CROCC2: variants seen among roughly 807,000 people sequenced by gnomAD.
CROCC2 encodes the protein ciliary rootlet coiled-coil protein 2.
Under a neutral mutation model 177.6 loss-of-function variants are expected in CROCC2, and 163 were observed. That is an observed-to-expected ratio of 0.92 (90% CI 0.81 to 1.05). The LOEUF is 1.05. Ranked by LOEUF, CROCC2 falls within the 50% of genes least tolerant of loss-of-function variation. The pLI is 0.00. For missense variants in CROCC2, 1,929 were observed against 1,797.8 expected, an observed-to-expected ratio of 1.07 and a Z score of -1.32; for synonymous variants, 904 against 787.3, an observed-to-expected ratio of 1.15 and a Z score of -2.48.
intron 1 of CROCC2, among the ~76,000 whole-genome samples, chr2:240,914,822 C>A (rs1260951323): frequency 1.3e-5 from 2 of 152,204 alleles, no homozygotes; most frequent in Non-Finnish European, 2.9e-5. Context: ...GGGCCAGTGA[C>A]CCTTGGGTCT....
rs1304949219 is a variant in CROCC2, at chr2:240,933,854, T to C, written c.1646+2T>C. On this transcript the variant is annotated splice_donor_variant, in intron 11 of 31. Transcript: ENST00000690015. LOFTEE classifies it high-confidence loss of function. Reference sequence around the variant, plus strand: ...GAGCTGCAGGGCACTGGAGACCAGGTGCGCGGCCGTGGCTGGGTGGGCAGG... The same window carrying C: ...GAGCTGCAGGGCACTGGAGACCAGGCGCGCGGCCGTGGCTGGGTGGGCAGG... 5.8e-6 allele frequency: 9 copies of C among 1,541,780 alleles called. No homozygotes were observed. Among genetic ancestry groups the C allele is most frequent in the Non-Finnish European group, 7.9e-6 (9 of 1,142,432 alleles).
At chr2:240,966,555 AC>A (rs1434810281) in intron 25 of CROCC2, 146 bp downstream of exon 25, 3 of 396,582 alleles carry the variant, frequency 7.6e-6, no homozygotes, top group Non-Finnish European at 8.9e-6. Context: ...CACCAGCACC[AC>A]CATGGCCCCC....
chr2:240,958,577 G>GC lies in CROCC2; in HGVS notation c.2944-718dup, dbSNP rs1418000389. On this transcript the variant is annotated intron_variant, in intron 19 of 31. Coordinates refer to ENST00000690015, the MANE Select transcript of CROCC2 (RefSeq NM_001351305.2). The surrounding 1 kb of genome is among the most constrained non-coding windows in gnomAD (Gnocchi z 6.7). Reference sequence around the variant, plus strand: ...TGGAGGGAGCCATCCCCCACCAGCCGCCCCCCGCCAGCCGCCTGCTGCTGC... The same window carrying GC: ...TGGAGGGAGCCATCCCCCACCAGCCGCCCCCCCGCCAGCCGCCTGCTGCTGC... The GC allele has an allele frequency of 2.0e-6, 2 of 985,102 alleles. No homozygotes were observed. Among genetic ancestry groups the GC allele is most frequent in the South Asian group, 4.7e-5 (1 of 21,268 alleles). The allele number at this position is 985,102 out of a possible 1,614,324, so 61.0% of individuals were successfully genotyped here. A position where few individuals can be genotyped will look rare whatever the true frequency, so the allele number is the denominator to read the frequency against.
chr2:240,991,137 C>A, intron 30 of CROCC2, 59 bp from the exon 31 acceptor site: 1 of 1,348,040 alleles, frequency 7.4e-7, no homozygotes. Context: ...TGCCTCTATG[C>A]CCTGGGGCCC....
In CROCC2 at chr2:240,965,993, G is replaced by T; in HGVS notation, c.3961G>T (p.Gly1321Cys). Residue 1321 changes from glycine (G) to cysteine (C), a missense_variant and splice_region_variant, in exon 24 of 32, where the codon GGC (glycine) becomes TGC (cysteine). Around this residue, in one of 3 missense-constraint regions of CROCC2, gnomAD observed 388 missense variants for 352.7 expected, o/e 1.10. Coordinates refer to ENST00000690015, the MANE Select transcript of CROCC2 (RefSeq NM_001351305.2). Reference protein sequence around the residue: ...SPEQPGSPTKGSDSSQALPGQ... With the variant: ...SPEQPGSPTKCSDSSQALPGQ... ...GGAGCAGCCTGGTTCCCCCACCAAA[G>T]GTCAGAGTCCTCAGTGGAGGCAGGC... The T allele has an allele frequency of 1.5e-6, 2 of 1,363,094 alleles. No homozygotes were observed. Among genetic ancestry groups the T allele is most frequent in the African/African-American group, 1.5e-5 (1 of 67,178 alleles). The allele number at this position is 1,363,094 out of a possible 1,614,324, so 84.4% of individuals were successfully genotyped here.
At chr2:240,930,434 G>T (rs897794245) in intron 6 of CROCC2, among the ~76,000 whole-genome samples, 165 bp downstream of exon 6, 1 of 152,188 alleles carries the variant, frequency 6.6e-6, no homozygotes, top group Non-Finnish European at 1.5e-5. Context: ...GCCGGCCAGT[G>T]GGAGCAGCGA....
At chr2:240,946,921 G>A (rs760733085) in intron 15 of CROCC2, among the ~76,000 whole-genome samples, 2 of 152,262 alleles carry the variant, frequency 1.3e-5, no homozygotes, top group Non-Finnish European at 2.9e-5. Context: ...GAGTGTGGGC[G>A]GGTGAGCCCA....
At chr2:240,963,924 G>A (rs1257014595) in intron 21 of CROCC2, 151 bp downstream of exon 21, 6 of 789,542 alleles carry the variant, frequency 7.6e-6, no homozygotes, top group East Asian at 2.7e-5. Context: ...CAGGCCTCCC[G>A]CTGCCCAGTC....
chr2:240,930,842 GA>G (rs1400872311), intron 6 of CROCC2, 88 bp from the exon 7 acceptor site: 1 of 607,866 alleles, frequency 1.6e-6, no homozygotes, highest in Non-Finnish European at 3.0e-6. Context: ...GATGGCCAAG[GA>G]GGGGGTCCTC....
chr2:240,975,605 C>G (rs2059755072), intron 27 of CROCC2, among the ~76,000 whole-genome samples: 1 of 152,158 alleles, frequency 6.6e-6, no homozygotes, highest in Non-Finnish European at 1.5e-5. Flanking sequence ...GGCCTTTGTC[C>G]CTTCTGCTCC....
chr2:240,930,768 G>T (rs993903764), intron 6 of CROCC2, among the ~76,000 whole-genome samples, 163 bp from the exon 7 acceptor site: 1 of 152,152 alleles, frequency 6.6e-6, no homozygotes, highest in Non-Finnish European at 1.5e-5. Flanking sequence ...CTCCCCAGCT[G>T]CCTTCCTGGT....
intron 1 of CROCC2, among the ~76,000 whole-genome samples, chr2:240,911,291 C>T (rs910906211): frequency 1.6e-5 from 2 of 126,188 alleles, no homozygotes; most frequent in Admixed American, 2.0e-4. Context: ...CATCCACGTC[C>T]ACAACTTTTT....
intron 28 of CROCC2, 148 bp from the exon 29 acceptor site, chr2:240,988,591 G>A (rs1251512834): frequency 9.6e-5 from 76 of 791,858 alleles, no homozygotes; most frequent in Non-Finnish European, 1.3e-4. Context: ...AGGGGTCCTG[G>A]CCCAGGGCAG....
At position 240,964,581 on chromosome 2, in the gene CROCC2, G is replaced by A. The variant is rs572746976; in HGVS notation, c.3421G>A (p.Ala1141Thr). 79 of 1,549,702 alleles carry A rather than the reference G, an allele frequency of 5.1e-5. No individual in the cohort carries two copies. In the East Asian group the frequency reaches 1.8e-3, roughly 35 times the overall value. The change falls in exon 22 of 32, where the codon GCA becomes ACA. Residue 1141 changes from alanine (A) to threonine (T), a missense_variant. Around this residue, in one of 3 missense-constraint regions of CROCC2, gnomAD observed 1,397 missense variants for 1,239.9 expected, o/e 1.13. Coordinates refer to ENST00000690015, the MANE Select transcript of CROCC2 (RefSeq NM_001351305.2). ...GGCCCACCTGTGGGAGCTGGAGCAG[G>A]CAGGGGGGGACGCCCGTCAGGAGCT... ...LRAHLWELEQ[A>T]GGDARQELRE...
rs1346675968 is a variant in CROCC2, at chr2:240,953,365, G to A, written c.2830-2494G>A. ...AGGAGATTCTCACTGAGATTGCAGTGAGCGGAGATCACGCCACTGCATTCC... is the reference window on the plus strand; with the variant it reads ...AGGAGATTCTCACTGAGATTGCAGTAAGCGGAGATCACGCCACTGCATTCC... On this transcript the variant is annotated intron_variant, in intron 18 of 31. Transcript: ENST00000690015. The surrounding 1 kb of genome is among the most constrained non-coding windows in gnomAD (Gnocchi z 4.0). 6.6e-6 allele frequency among the ~76,000 whole-genome samples: 1 copy of A among 151,870 alleles called. No individual in the cohort carries two copies. The highest frequency in any genetic ancestry group is 1.5e-5 in the Non-Finnish European group (1 of 68,002).
At chr2:240,928,071 C>T (rs2059405086) in intron 5 of CROCC2, among the ~76,000 whole-genome samples, 2 of 152,202 alleles carry the variant, frequency 1.3e-5, no homozygotes, top group Admixed American at 1.3e-4. Flanking sequence ...TCTATTGTTT[C>T]TGCTGGTTTC....
At chr2:240,912,185 C>T (rs551205786) in intron 1 of CROCC2, among the ~76,000 whole-genome samples, 1 of 152,192 alleles carries the variant, frequency 6.6e-6, no homozygotes, top group Non-Finnish European at 1.5e-5. Flanking sequence ...CCACTTTTAA[C>T]ACCAAATGTG....
intron 26 of CROCC2, among the ~76,000 whole-genome samples, 167 bp from the exon 27 acceptor site, chr2:240,967,962 G>A (rs2059694576): frequency 6.6e-6 from 1 of 152,182 alleles, no homozygotes; most frequent in South Asian, 2.1e-4. Context: ...AGGGAAGGAT[G>A]GGTGGGAAGC....
chr2:240,936,203 A>G (rs1452937149), intron 14 of CROCC2, among the ~76,000 whole-genome samples: 1 of 152,012 alleles, frequency 6.6e-6, no homozygotes, highest in South Asian at 2.1e-4. Flanking sequence ...CTCTTTTTCT[A>G]TTGACATTTA....
Sources: gnomAD v4.1 joint callset for allele counts (sites outside exome capture counted in the v4.1 genomes callset) on GRCh38, gnomAD v4.1.1 for gene constraint, gnomAD v4.1.1 regional missense constraint, Gnocchi (gnomAD v3.1) non-coding constraint, MANE v1.5 for transcripts, NCBI Gene and HGNC (gene_info 2026-07-23, HGNC 2026-07-21) for gene names.